Variants in HS1BP3 observed in about 807,000 individuals in gnomAD.
HS1BP3 encodes the protein HCLS1 binding protein 3, also known as HCLS1-binding protein 3.
A neutral mutation model predicts 33.5 loss-of-function variants in HS1BP3; 32 were observed. The ratio of observed to expected loss-of-function variants is 0.95; its 90% CI spans 0.72 to 1.28. The LOEUF (loss-of-function observed/expected upper bound fraction) is 1.28, where lower values mean the gene tolerates loss of function less well. HS1BP3 is among the 50% of genes most tolerant of loss of function. The pLI is 0.00. For missense variants in HS1BP3, 486 were observed against 502.3 expected (o/e 0.97, Z 0.31); for synonymous variants, 187 against 209.2 (o/e 0.89, Z 0.92).
chr2:20,601,184 A>G (rs1694061656), intron 2 of HS1BP3, among the ~76,000 whole-genome samples: 1 of 152,220 alleles, frequency 6.6e-6, no homozygotes, highest in South Asian at 2.1e-4. Context: ...GCTGATCTTC[A>G]GGGCTATTGG....
chr2:20,613,501 A>G (rs1694354822), downstream of HS1BP3, among the ~76,000 whole-genome samples: 1 of 152,190 alleles, frequency 6.6e-6, no homozygotes, highest in Non-Finnish European at 1.5e-5. Context: ...TGCTGGAGGA[A>G]GGAAGGAAGG....
downstream of HS1BP3, chr2:20,560,354 A>C (rs1342366863): frequency 6.6e-6 from 1 of 152,186 alleles, no homozygotes; most frequent in East Asian, 1.9e-4. Flanking sequence ...ACCATACTGG[A>C]TCTGCAGTGG....
At chr2:20,649,898 C>T (rs541713441) in intron 1 of HS1BP3, among the ~76,000 whole-genome samples, 2 of 152,344 alleles carry the variant, frequency 1.3e-5, no homozygotes, top group East Asian at 3.9e-4. Flanking sequence ...CCCAAGCACC[C>T]AGCACCAAAG....
Position 20,618,653 on chromosome 2 carries a change from G to A in HS1BP3, c.*334C>T, listed in dbSNP as rs1339568583. 5.4e-6 allele frequency: 6 copies of A among 1,116,658 alleles called. No homozygotes were observed. Among genetic ancestry groups the A allele is most frequent in the Non-Finnish European group, 5.5e-6 (5 of 905,430 alleles). 69.2% of individuals were successfully genotyped at this position (1,116,658 alleles called of 1,614,324 possible). A position where few individuals can be genotyped will look rare whatever the true frequency, so the allele number is the denominator to read the frequency against. ...GCTTCCCTGCCCCATGTGACACCTC[G>A]CTACGGCCCCACATGTCTTGCTTCA... is the stretch of plus-strand genomic sequence containing the variant. On this transcript the variant is annotated 3_prime_UTR_variant, in exon 7 of 7. Transcript: ENST00000304031.
At chr2:20,628,190 T>C (rs1694848680) in intron 4 of HS1BP3, among the ~76,000 whole-genome samples, 1 of 152,050 alleles carries the variant, frequency 6.6e-6, no homozygotes, top group Non-Finnish European at 1.5e-5. Context: ...GAGCACTCAC[T>C]GAGAACCTCC....
chr2:20,559,120 T>C (rs570365547), downstream of HS1BP3, among the ~76,000 whole-genome samples: 1 of 152,276 alleles, frequency 6.6e-6, no homozygotes, highest in Admixed American at 6.5e-5. Context: ...CCAACTTCTT[T>C]GTCAATGTAG....
chr2:20,619,715 T>A (rs1331749970), intron 6 of HS1BP3, among the ~76,000 whole-genome samples: 1 of 151,986 alleles, frequency 6.6e-6, no homozygotes, highest in Non-Finnish European at 1.5e-5. Flanking sequence ...GACGCTGGAG[T>A]CCCAGGAGGC....
At chr2:20,612,679 T>A (rs954569935) in intron 2 of HS1BP3, among the ~76,000 whole-genome samples, 2 of 152,352 alleles carry the variant, frequency 1.3e-5, no homozygotes, top group Non-Finnish European at 2.9e-5. Context: ...TTCCATTATA[T>A]GGATTTACTG....
chr2:20,631,361 CAAA>C (rs1382515813), intron 4 of HS1BP3, among the ~76,000 whole-genome samples: 1 of 151,484 alleles, frequency 6.6e-6, no homozygotes. Flanking sequence ...AAAAAGTAGA[CAAA>C]AGTAGCCAGG....
downstream of HS1BP3, among the ~76,000 whole-genome samples, chr2:20,616,378 T>A (rs1402475406): frequency 6.6e-6 from 1 of 152,196 alleles, no homozygotes; most frequent in East Asian, 1.9e-4. Flanking sequence ...TACTTCAGCA[T>A]CCCTGGGTCC....
chr2:20,590,167 CT>C (rs1693777382), downstream of HS1BP3, among the ~76,000 whole-genome samples: 1 of 152,122 alleles, frequency 6.6e-6, no homozygotes, highest in Admixed American at 6.5e-5. Flanking sequence ...GCATTTGGCC[CT>C]GGTTTTCCTG....
intron 4 of HS1BP3, among the ~76,000 whole-genome samples, chr2:20,632,398 A>G (rs893339750): frequency 6.6e-6 from 1 of 152,148 alleles, no homozygotes; most frequent in Admixed American, 6.5e-5. Flanking sequence ...GTCATCAAAA[A>G]CCGAGAGTGA....
intron 1 of HS1BP3, among the ~76,000 whole-genome samples, chr2:20,645,806 G>A (rs980154326): frequency 6.6e-6 from 1 of 152,226 alleles, no homozygotes; most frequent in Non-Finnish European, 1.5e-5. Context: ...CACAAACTCT[G>A]TGCAGAATGG....
intron 5 of HS1BP3, among the ~76,000 whole-genome samples, chr2:20,565,050 C>G (rs1189217464): frequency 6.6e-6 from 1 of 152,200 alleles, no homozygotes; most frequent in African/African-American, 2.4e-5. Flanking sequence ...GGATCATGGC[C>G]TTAACCTGCC....
chr2:20,632,804 C>G (rs1415665671), intron 4 of HS1BP3, among the ~76,000 whole-genome samples: 1 of 152,174 alleles, frequency 6.6e-6, no homozygotes, highest in East Asian at 1.9e-4. Context: ...GAATCGCCTG[C>G]TCTAGGAAGC....
intron 5 of HS1BP3, among the ~76,000 whole-genome samples, chr2:20,573,562 G>A (rs145717838): frequency 5.9e-5 from 9 of 152,234 alleles, no homozygotes; most frequent in African/African-American, 7.2e-5. Flanking sequence ...GGCCTGGCTC[G>A]GGCTGGGCCA....
chr2:20,615,801 T>C (rs926201984), downstream of HS1BP3, among the ~76,000 whole-genome samples: 1 of 152,234 alleles, frequency 6.6e-6, no homozygotes, highest in Non-Finnish European at 1.5e-5. Context: ...GGCTGGACTT[T>C]GCTGTCTCGT....
At chr2:20,593,233 T>C (rs1240506337) in intron 3 of HS1BP3, among the ~76,000 whole-genome samples, 1 of 152,128 alleles carries the variant, frequency 6.6e-6, no homozygotes, top group Non-Finnish European at 1.5e-5. Context: ...GGCCACATTG[T>C]CTAAACTTGC....
At position 20,619,098 on chromosome 2, in the gene HS1BP3, C is replaced by G. The variant is rs921793980; in HGVS notation, c.1068G>C (p.Val356=). The change falls in exon 7 of 7, where the codon GTG becomes GTC. Residue 356 remains valine, a synonymous_variant. Coordinates refer to ENST00000304031, the MANE Select transcript of HS1BP3 (RefSeq NM_022460.4). The part of the protein sequence containing the change: ...VPPKAGPAEA[V]AGQQKPQEQI... ...GCTCCTGCGGCTTCTGCTGCCCAGC[C>G]ACAGCTTCAGCCGGGCCCGCTTTGG... The G allele has an allele frequency of 1.9e-6, 3 of 1,614,188 alleles. No individual in the cohort carries two copies. Among genetic ancestry groups the G allele is most frequent in the Non-Finnish European group, 2.5e-6 (3 of 1,180,010 alleles).
Sources: allele counts gnomAD v4.1 joint callset (sites outside exome capture counted in the v4.1 genomes callset), GRCh38; gene constraint gnomAD v4.1.1; transcripts MANE v1.5; gene names NCBI Gene and HGNC (gene_info 2026-07-23, HGNC 2026-07-21).